Variants in PLCB4 observed in about 807,000 individuals in gnomAD.
The protein encoded by PLCB4 is phospholipase C beta 4, also known as 1-phosphatidylinositol 4,5-bisphosphate phosphodiesterase beta-4.
A neutral mutation model predicts 178.8 loss-of-function variants in PLCB4; 77 were observed. That is an observed-to-expected ratio of 0.43 (90% CI 0.36 to 0.52). The LOEUF is 0.52. Among genes scored for constraint, PLCB4 ranks in the 20% least tolerant of loss-of-function variants. The pLI, the probability that PLCB4 is intolerant of heterozygous loss-of-function variation, is 0.00. For missense variants in PLCB4, 1,024 were observed against 1,453.4 expected (o/e 0.70, Z 4.80); for synonymous variants, 496 against 490.8 (o/e 1.01, Z -0.14).
At chr20:9,394,785 T>C (rs775249729) in intron 18 of PLCB4, among the ~76,000 whole-genome samples, 1 of 152,154 alleles carries the variant, frequency 6.6e-6, no homozygotes, top group Non-Finnish European at 1.5e-5. Flanking sequence ...ATGCTTTCTT[T>C]TAGGAAAGTT....
At chr20:9,363,604 G>A (rs527765904) in intron 8 of PLCB4, among the ~76,000 whole-genome samples, 2 of 152,280 alleles carry the variant, frequency 1.3e-5, no homozygotes, top group African/African-American at 4.8e-5. Flanking sequence ...TACTACAGTG[G>A]TAGATTTAAA....
At chr20:9,115,432 TC>T (rs371356667) in intron 2 of PLCB4, among the ~76,000 whole-genome samples, 31,247 of 149,274 alleles carry the variant, frequency 0.21, 4,384 homozygotes, top group East Asian at 0.65. Context: ...AACTTCTTCT[TC>T]TTTTTTTTTA....
intron 2 of PLCB4, among the ~76,000 whole-genome samples, chr20:9,140,076 C>T (rs142853334): frequency 7.9e-5 from 12 of 152,178 alleles, no homozygotes; most frequent in Admixed American, 1.3e-4. Flanking sequence ...TTCTCTCCCT[C>T]ATTTTTCAGC....
intron 2 of PLCB4, among the ~76,000 whole-genome samples, chr20:9,194,050 A>T (rs2093438115): frequency 6.6e-6 from 1 of 152,116 alleles, no homozygotes; most frequent in Admixed American, 6.5e-5. Context: ...ATACACATTC[A>T]TTGTGAACTT....
intron 3 of PLCB4, among the ~76,000 whole-genome samples, chr20:9,241,511 G>C (rs2094061640): frequency 6.6e-6 from 1 of 152,078 alleles, no homozygotes; most frequent in Admixed American, 6.6e-5. Flanking sequence ...GGAAATGAAA[G>C]AAATGTGATA....
intron 3 of PLCB4, among the ~76,000 whole-genome samples, chr20:9,226,017 C>T (rs560072889): frequency 8.5e-5 from 13 of 152,174 alleles, no homozygotes; most frequent in Non-Finnish European, 1.5e-4. Context: ...CTGCAACCAC[C>T]TTGCAGATCA....
intron 30 of PLCB4, among the ~76,000 whole-genome samples, chr20:9,440,346 C>T (rs116088580): frequency 0.02 from 3,004 of 152,244 alleles, 82 homozygotes; most frequent in African/African-American, 0.069. Context: ...TTAAATATTT[C>T]GTGTAACTTA....
intron 3 of PLCB4, among the ~76,000 whole-genome samples, chr20:9,300,976 T>G (rs549375904): frequency 6.6e-6 from 1 of 152,090 alleles, no homozygotes; most frequent in African/African-American, 2.4e-5. Flanking sequence ...TCCTCCAGGC[T>G]GTGGGGAAGA....
rs1363418958 is a variant in PLCB4, at chr20:9,389,899, G to A, written c.1179G>A (p.Lys393=). 4 of 1,578,142 alleles carry A rather than the reference G, an allele frequency of 2.5e-6. No individual in the cohort carries two copies. The highest frequency in any genetic ancestry group is 3.5e-6 in the Non-Finnish European group (4 of 1,151,078). Residue 393 remains lysine, a synonymous_variant, in exon 16 of 40, where the codon AAG becomes AAA. Transcript: ENST00000378473. ...TAAAGGATGTAATTCAAGCCATCAAGGAAACTGCATTTGTCACATCAGAAT... is the reference window on the plus strand; with the variant it reads ...TAAAGGATGTAATTCAAGCCATCAAAGAAACTGCATTTGTCACATCAGAAT... ...ILFKDVIQAI[K]ETAFVTSEYP...
intron 3 of PLCB4, among the ~76,000 whole-genome samples, chr20:9,251,680 C>G (rs2094182069): frequency 6.6e-6 from 1 of 152,026 alleles, no homozygotes; most frequent in Non-Finnish European, 1.5e-5. Flanking sequence ...TTGCAGCCTT[C>G]CCCTTAGTTC....
intron 2 of PLCB4, among the ~76,000 whole-genome samples, chr20:9,114,203 G>T (rs1462809611): frequency 6.6e-6 from 1 of 152,124 alleles, no homozygotes; most frequent in Non-Finnish European, 1.5e-5. Flanking sequence ...AACAGAGAGA[G>T]ACTTTGTCTT....
chr20:9,409,013 C>T, intron 23 of PLCB4, 44 bp from the exon 24 acceptor site: 1 of 1,581,484 alleles, frequency 6.3e-7, no homozygotes, highest in Non-Finnish European at 8.6e-7. Flanking sequence ...TTATTTTTCT[C>T]TGCTGTAGGA....
intron 16 of PLCB4, 123 bp downstream of exon 16, chr20:9,390,081 A>G: frequency 1.7e-6 from 1 of 600,814 alleles, no homozygotes; most frequent in Non-Finnish European, 2.9e-6. Context: ...CTAAGTTCAA[A>G]TAATTCTCCA....
At chr20:9,272,871 C>T (rs1181208755) in intron 3 of PLCB4, among the ~76,000 whole-genome samples, 1 of 148,344 alleles carries the variant, frequency 6.7e-6, no homozygotes, top group African/African-American at 2.5e-5. Context: ...TTGTGAGCTT[C>T]TGGTTACAGG....
chr20:9,254,712 A>C (rs1343530250), intron 3 of PLCB4, among the ~76,000 whole-genome samples: 1 of 152,122 alleles, frequency 6.6e-6, no homozygotes, highest in African/African-American at 2.4e-5. Flanking sequence ...AATAAAAATA[A>C]AAAAAATTGT....
intron 26 of PLCB4, 120 bp downstream of exon 26, chr20:9,420,029 A>G (rs905653084): frequency 4.2e-5 from 23 of 552,506 alleles, no homozygotes; most frequent in Middle Eastern, 6.5e-4. Flanking sequence ...CTTTGACTTA[A>G]GATTCCACCC....
chr20:9,367,283 T>C (rs2035867683), intron 9 of PLCB4, among the ~76,000 whole-genome samples: 1 of 152,224 alleles, frequency 6.6e-6, no homozygotes, highest in Non-Finnish European at 1.5e-5. Flanking sequence ...TAAATTTAAC[T>C]CTTTATTGAG....
At chr20:9,275,481 TG>T (rs2094442646) in intron 3 of PLCB4, among the ~76,000 whole-genome samples, 1 of 152,036 alleles carries the variant, frequency 6.6e-6, no homozygotes, top group Non-Finnish European at 1.5e-5. Flanking sequence ...TATTATCAAA[TG>T]GGACGCTATT....
chr20:9,350,449 T>C lies in PLCB4; in HGVS notation c.369+11412T>C, dbSNP rs193008323. On this transcript the variant is annotated intron_variant, in intron 7 of 39. Transcript: ENST00000378473. ...TGAGTAACTTGACTTTTCAAGGCCA[T>C]ACGTCCAGTAAGTGGTGTTTTGAGC... 3.0e-3 allele frequency among the ~76,000 whole-genome samples: 453 copies of C among 152,312 alleles called. 1 individual carries two copies. The highest frequency in any genetic ancestry group is 0.011 in the African/African-American group (438 of 41,572).
Sources: allele counts gnomAD v4.1 joint callset (sites outside exome capture counted in the v4.1 genomes callset), GRCh38; gene constraint gnomAD v4.1.1; transcripts MANE v1.5; gene names NCBI Gene and HGNC (gene_info 2026-07-23, HGNC 2026-07-21).